CSMD1: variants seen among roughly 807,000 people sequenced by gnomAD.
The protein encoded by CSMD1 is CUB and sushi domain-containing protein 1.
In CSMD1, 213 loss-of-function variants were observed where a neutral mutation model predicts 417.5. The ratio of observed to expected loss-of-function variants is 0.51; its 90% CI spans 0.46 to 0.57. The LOEUF (loss-of-function observed/expected upper bound fraction) is 0.57. Ranked by LOEUF, CSMD1 falls within the 20% of genes least tolerant of loss-of-function variation. CSMD1 has a pLI of 0.00. For missense variants in CSMD1, 6,923 were observed against 4,529.7 expected (o/e 1.53, Z -15.17); for synonymous variants, 2,862 against 1,736.8 (o/e 1.65, Z -16.11).
chr8:4,247,504 G>C (rs571415694), intron 3 of CSMD1, among the ~76,000 whole-genome samples: 1 of 152,086 alleles, frequency 6.6e-6, no homozygotes, highest in Admixed American at 6.6e-5. Context: ...TTTTCTTTCG[G>C]TGTAGAAATT....
At chr8:4,985,434 T>C (rs1811128561) in intron 1 of CSMD1, among the ~76,000 whole-genome samples, 1 of 152,238 alleles carries the variant, frequency 6.6e-6, no homozygotes, top group Admixed American at 6.5e-5. Flanking sequence ...ACAGTTATAC[T>C]GAACTGAGTG....
At chr8:3,130,076 A>T (rs907655938) in intron 41 of CSMD1, among the ~76,000 whole-genome samples, 2 of 152,204 alleles carry the variant, frequency 1.3e-5, no homozygotes, top group African/African-American at 2.4e-5. Context: ...ACTGAGATAC[A>T]CCAATTAATT....
chr8:4,197,248 T>A (rs7840845), intron 3 of CSMD1, among the ~76,000 whole-genome samples: 15,525 of 152,256 alleles, frequency 0.1, 1,114 homozygotes, highest in African/African-American at 0.19. Flanking sequence ...TAATTTCGTA[T>A]AACCAGATAG....
chr8:3,785,590 T>A (rs1173928506), intron 5 of CSMD1, among the ~76,000 whole-genome samples: 3 of 152,152 alleles, frequency 2.0e-5, no homozygotes, highest in Non-Finnish European at 2.9e-5. Context: ...CTTAATTGGA[T>A]CATTTGATCT....
intron 1 of CSMD1, among the ~76,000 whole-genome samples, chr8:4,945,607 T>C (rs527870972): frequency 6.6e-6 from 1 of 152,110 alleles, no homozygotes; most frequent in African/African-American, 2.4e-5. Flanking sequence ...GATAAGAAAT[T>C]CTAAGTGATG....
intron 7 of CSMD1, among the ~76,000 whole-genome samples, chr8:3,618,425 C>A (rs17066601): frequency 6.6e-6 from 1 of 151,902 alleles, no homozygotes; most frequent in Non-Finnish European, 1.5e-5. Flanking sequence ...CTATTCCAAA[C>A]GGGTTAAGAT....
At chr8:2,946,488 C>T (rs879556189) in intron 68 of CSMD1, among the ~76,000 whole-genome samples, 6 of 152,192 alleles carry the variant, frequency 3.9e-5, no homozygotes, top group Admixed American at 6.6e-5. Context: ...GATTCATAGA[C>T]TATTTGGCCT....
chr8:3,192,509 G>A (rs1796485018), intron 33 of CSMD1, among the ~76,000 whole-genome samples: 1 of 152,110 alleles, frequency 6.6e-6, no homozygotes, highest in Non-Finnish European at 1.5e-5. Flanking sequence ...TCATGGTTTG[G>A]CTACTACTCA....
chr8:4,700,346 A>G (rs1807445416), intron 1 of CSMD1, among the ~76,000 whole-genome samples: 1 of 151,954 alleles, frequency 6.6e-6, no homozygotes, highest in South Asian at 2.1e-4. Flanking sequence ...TATTTATAAT[A>G]CATATTATAA....
intron 2 of CSMD1, among the ~76,000 whole-genome samples, chr8:4,609,208 T>C (rs1801040594): frequency 6.6e-6 from 1 of 152,196 alleles, no homozygotes; most frequent in African/African-American, 2.4e-5. Flanking sequence ...CAGACCAGCC[T>C]GGACAAGATG....
intron 3 of CSMD1, among the ~76,000 whole-genome samples, chr8:4,381,077 C>G (rs971630641): frequency 6.6e-6 from 1 of 152,016 alleles, no homozygotes; most frequent in African/African-American, 2.4e-5. Context: ...TAGGTTGGTT[C>G]AAAAGTAATT....
intron 42 of CSMD1, among the ~76,000 whole-genome samples, chr8:3,117,205 G>A (rs1816925756): frequency 6.6e-6 from 1 of 152,026 alleles, no homozygotes; most frequent in African/African-American, 2.4e-5. Context: ...GGAGTAGCTG[G>A]GACTACAGGT....
intron 20 of CSMD1, among the ~76,000 whole-genome samples, chr8:3,364,686 G>T (rs1262634936): frequency 2.0e-5 from 3 of 152,120 alleles, no homozygotes; most frequent in Non-Finnish European, 4.4e-5. Context: ...TGGGGATATG[G>T]GCGATTCTCC....
intron 23 of CSMD1, among the ~76,000 whole-genome samples, chr8:3,315,894 C>A (rs1174696382): frequency 6.6e-6 from 1 of 152,160 alleles, no homozygotes; most frequent in Non-Finnish European, 1.5e-5. Context: ...AAATACATTA[C>A]ATTAATCCCA....
intron 5 of CSMD1, among the ~76,000 whole-genome samples, chr8:3,789,679 C>T (rs1799625372): frequency 1.3e-5 from 2 of 150,274 alleles, no homozygotes; most frequent in East Asian, 2.0e-4. Context: ...ACATGTATGA[C>T]CTTGTTTATT....
chr8:4,386,787 A>G lies in CSMD1; in HGVS notation c.415+33166T>C, dbSNP rs576906904. 3.9e-5 allele frequency among the ~76,000 whole-genome samples: 6 copies of G among 152,324 alleles called. No homozygotes were observed. The South Asian group carries it at 1.2e-3, about 32-fold the overall frequency. On this transcript the variant is annotated intron_variant, in intron 3 of 69. Coordinates refer to ENST00000635120, the MANE Select transcript of CSMD1 (RefSeq NM_033225.6). ...GAAACAGTTGGTTTCAGTTGAAGAG[A>G]TACAATAAAAAAATATTCTGGGCTC...
At chr8:3,255,755 G>A (rs530679357) in intron 26 of CSMD1, among the ~76,000 whole-genome samples, 4 of 152,264 alleles carry the variant, frequency 2.6e-5, no homozygotes, top group African/African-American at 9.6e-5. Context: ...GATTTTCCAG[G>A]TGCTGTCTGT....
At chr8:4,804,547 G>T (rs1158017329) in intron 1 of CSMD1, among the ~76,000 whole-genome samples, 1 of 151,602 alleles carries the variant, frequency 6.6e-6, no homozygotes. Context: ...GAGAGAGGGA[G>T]GGAGGAACAC....
chr8:3,376,298 C>A (rs555056197), intron 18 of CSMD1, among the ~76,000 whole-genome samples: 22 of 151,796 alleles, frequency 1.4e-4, no homozygotes, highest in Non-Finnish European at 2.1e-4. Flanking sequence ...AAAGGGTAAC[C>A]AATAATACTT....
Sources: allele counts gnomAD v4.1 joint callset (sites outside exome capture counted in the v4.1 genomes callset), GRCh38; gene constraint gnomAD v4.1.1; transcripts MANE v1.5; gene names NCBI Gene and HGNC (gene_info 2026-07-23, HGNC 2026-07-21).